Variants in AGBL3 observed in about 807,000 individuals in gnomAD.
AGBL3 encodes the protein cytosolic carboxypeptidase 3.
AGBL3 carries 68 observed loss-of-function variants against 94.5 expected under a neutral mutation model. The observed-to-expected ratio is 0.72, with a 90% confidence interval of 0.59 to 0.88. The LOEUF is 0.88. Among genes scored for constraint, AGBL3 ranks in the 40% least tolerant of loss-of-function variants. AGBL3 has a pLI of 0.00. For missense variants in AGBL3, 934 were observed against 1,103.8 expected (o/e 0.85, Z 2.18); for synonymous variants, 354 against 370.7 (o/e 0.95, Z 0.52).
At chr7:135,015,969 T>G (rs1813746821) in intron 4 of AGBL3, among the ~76,000 whole-genome samples, 1 of 150,518 alleles carries the variant, frequency 6.6e-6, no homozygotes, top group African/African-American at 2.5e-5. Flanking sequence ...AGGCGGAGCT[T>G]GCAGTGAGCT....
chr7:135,070,300 G>A (rs1426760444), intron 12 of AGBL3, among the ~76,000 whole-genome samples: 1 of 152,120 alleles, frequency 6.6e-6, no homozygotes, highest in East Asian at 1.9e-4. Context: ...AGATGTACAA[G>A]GAGGAGCTGG....
At chr7:135,025,496 C>T (rs1024419098) in intron 5 of AGBL3, among the ~76,000 whole-genome samples, 1 of 151,558 alleles carries the variant, frequency 6.6e-6, no homozygotes, top group African/African-American at 2.4e-5. Flanking sequence ...CAAAAACATG[C>T]TTAACCATAT....
chr7:135,009,782 T>G, intron 4 of AGBL3, among the ~76,000 whole-genome samples: 1 of 152,220 alleles, frequency 6.6e-6, no homozygotes, highest in Non-Finnish European at 1.5e-5. Flanking sequence ...CACTCACATT[T>G]GGCTTTTAAA....
At chr7:135,112,099 C>T (rs1428784907) in intron 15 of AGBL3, among the ~76,000 whole-genome samples, 2 of 152,170 alleles carry the variant, frequency 1.3e-5, no homozygotes, top group Admixed American at 6.5e-5. Flanking sequence ...TAACATGAAG[C>T]TCTATCCATT....
chr7:135,002,069 C>T (rs140253430), intron 4 of AGBL3, among the ~76,000 whole-genome samples: 59 of 152,316 alleles, frequency 3.9e-4, no homozygotes, highest in Non-Finnish European at 6.6e-4. Flanking sequence ...TCCCAAACCA[C>T]TCTTTCACCA....
intron 16 of AGBL3, among the ~76,000 whole-genome samples, chr7:135,121,204 T>C (rs565477417): frequency 1.3e-5 from 2 of 151,794 alleles, no homozygotes; most frequent in Non-Finnish European, 2.9e-5. Flanking sequence ...AAACTCCGTC[T>C]CAAAAAACAA....
At chr7:135,094,185 C>A (rs1185713613) in intron 15 of AGBL3, 1 of 349,814 alleles carries the variant, frequency 2.9e-6, no homozygotes. Flanking sequence ...AATAAGGGGC[C>A]TTCTCGTTTT....
At chr7:135,023,500 C>G (rs920488794) in intron 5 of AGBL3, among the ~76,000 whole-genome samples, 1 of 152,122 alleles carries the variant, frequency 6.6e-6, no homozygotes, top group African/African-American at 2.4e-5. Context: ...ATGACCCCCA[C>G]AGATATTTGA....
chr7:135,012,939 A>G (rs1245589276), intron 4 of AGBL3, among the ~76,000 whole-genome samples: 1 of 152,162 alleles, frequency 6.6e-6, no homozygotes, highest in Non-Finnish European at 1.5e-5. Context: ...AAAATTAATA[A>G]AGTTGACTTC....
At chr7:134,994,336 T>C (rs1246884558) in intron 4 of AGBL3, among the ~76,000 whole-genome samples, 1 of 152,234 alleles carries the variant, frequency 6.6e-6, no homozygotes, top group East Asian at 1.9e-4. Flanking sequence ...TCTCTGCTTT[T>C]TCCTTTAATG....
intron 1 of AGBL3, among the ~76,000 whole-genome samples, chr7:134,987,659 A>G (rs1283155237): frequency 6.6e-6 from 1 of 152,106 alleles, no homozygotes; most frequent in African/African-American, 2.4e-5. Context: ...TAATTAAATG[A>G]TTTGCTTGAT....
chr7:135,005,006 G>A (rs1297766567), intron 4 of AGBL3, among the ~76,000 whole-genome samples: 1 of 151,344 alleles, frequency 6.6e-6, no homozygotes, highest in Non-Finnish European at 1.5e-5. Context: ...TTTCAAATAT[G>A]CAGAGAAATT....
chr7:135,071,364 C>T (rs923841942), intron 12 of AGBL3, among the ~76,000 whole-genome samples: 1 of 152,032 alleles, frequency 6.6e-6, no homozygotes, highest in Non-Finnish European at 1.5e-5. Flanking sequence ...TCAATGCCAT[C>T]CCCATCAAGT....
At chr7:134,993,793 C>T in intron 4 of AGBL3, 115 bp downstream of exon 4, 1 of 842,516 alleles carries the variant, frequency 1.2e-6, no homozygotes, top group Non-Finnish European at 1.7e-6. Context: ...AGAAATATAA[C>T]ATGAGCCACA....
At chr7:135,022,782 T>G (rs560977904) in intron 5 of AGBL3, among the ~76,000 whole-genome samples, 1 of 152,262 alleles carries the variant, frequency 6.6e-6, no homozygotes, top group Admixed American at 6.5e-5. Context: ...TCTAGAGTTT[T>G]TATGGTTGGA....
At chr7:135,037,297 A>G in intron 7 of AGBL3, 121 bp from the exon 8 acceptor site, 2 of 756,798 alleles carry the variant, frequency 2.6e-6, no homozygotes, top group South Asian at 6.2e-5. Flanking sequence ...AATATAGATA[A>G]GAGAAAGCTA....
chr7:134,991,659 C>A (rs1186123312), intron 3 of AGBL3, among the ~76,000 whole-genome samples: 3 of 152,098 alleles, frequency 2.0e-5, no homozygotes. Flanking sequence ...CTCTTCCAAG[C>A]ACTGGGTCTG....
At chr7:135,119,234 A>AT (rs965976239) in intron 16 of AGBL3, among the ~76,000 whole-genome samples, 169 of 148,054 alleles carry the variant, frequency 1.1e-3, no homozygotes, top group East Asian at 2.4e-3. Flanking sequence ...CAAAATTTAA[A>AT]TTTTTTTTTT....
chr7:135,022,376 G>A lies in AGBL3; in HGVS notation c.418+5217G>A, dbSNP rs140239409. Among the ~76,000 whole-genome samples, 486 of 152,290 alleles carry A rather than the reference G, an allele frequency of 3.2e-3. 2 individuals are homozygous for A. Among genetic ancestry groups the A allele is most frequent in the Middle Eastern group, 0.017 (5 of 294 alleles). Reference sequence around the variant, plus strand: ...TCGCCATTCTGACTGGTGTGAGATGGTATCTCATTGTGGTTTTGATTTGTA... The same window carrying A: ...TCGCCATTCTGACTGGTGTGAGATGATATCTCATTGTGGTTTTGATTTGTA... On this transcript the variant is annotated intron_variant, in intron 5 of 16. Coordinates refer to ENST00000436302, the MANE Select transcript of AGBL3 (RefSeq NM_178563.4).
Sources: gnomAD v4.1 joint callset for allele counts (sites outside exome capture counted in the v4.1 genomes callset) on GRCh38, gnomAD v4.1.1 for gene constraint, MANE v1.5 for transcripts, NCBI Gene and HGNC (gene_info 2026-07-23, HGNC 2026-07-21) for gene names.